The following FGGY variants were observed in gnomAD, a reference collection of about 807,000 sequenced individuals.
FGGY encodes the protein FGGY carbohydrate kinase domain containing, also known as FGGY carbohydrate kinase domain-containing protein.
A neutral mutation model predicts 71.3 loss-of-function variants in FGGY; 72 were observed. The observed-to-expected ratio is 1.01, with a 90% CI of 0.84 to 1.23. The LOEUF (loss-of-function observed/expected upper bound fraction) is 1.23. Ranked by LOEUF, FGGY falls within the 50% of genes most tolerant of loss-of-function variation. The pLI is 0.00. For synonymous variants in FGGY, 251 were observed against 250.3 expected (o/e 1.00, Z -0.02); for missense variants, 668 against 682.3 (o/e 0.98, Z 0.23).
intron 14 of FGGY, among the ~76,000 whole-genome samples, chr1:59,742,282 G>T (rs1314682266): frequency 6.6e-6 from 1 of 152,144 alleles, no homozygotes; most frequent in Non-Finnish European, 1.5e-5. Flanking sequence ...AAATCATGCT[G>T]CCTCAGTCAT....
intron 9 of FGGY, among the ~76,000 whole-genome samples, chr1:59,614,896 A>G (rs888097687): frequency 2.6e-5 from 4 of 152,232 alleles, no homozygotes; most frequent in African/African-American, 9.6e-5. Flanking sequence ...ACTCCCATTC[A>G]CAATTGCTTC....
intron 11 of FGGY, among the ~76,000 whole-genome samples, chr1:59,642,320 G>T (rs1259812094): frequency 6.6e-6 from 1 of 152,206 alleles, no homozygotes; most frequent in Admixed American, 6.5e-5. Flanking sequence ...TAAGTATACA[G>T]TGAGTGGGGA....
intron 14 of FGGY, chr1:59,756,202 A>G (rs2098289559): frequency 6.6e-6 from 1 of 152,130 alleles, no homozygotes. Flanking sequence ...TTCTTTGTCA[A>G]TAATTTTTCT....
At chr1:59,725,636 TG>T (rs149456838) in intron 14 of FGGY, among the ~76,000 whole-genome samples, 6,739 of 151,526 alleles carry the variant, frequency 0.044, 214 homozygotes, top group Non-Finnish European at 0.069. Context: ...TTTTGTTTTT[TG>T]TTTTTTTTGC....
At chr1:59,553,094 G>A (rs1206614784) in intron 7 of FGGY, among the ~76,000 whole-genome samples, 2 of 152,182 alleles carry the variant, frequency 1.3e-5, no homozygotes, top group East Asian at 3.9e-4. Context: ...CCAGGCAGAG[G>A]GAAGAGCAAA....
chr1:59,590,323 G>A (rs1279867556), intron 8 of FGGY, among the ~76,000 whole-genome samples: 4 of 152,140 alleles, frequency 2.6e-5, no homozygotes, highest in African/African-American at 7.2e-5. Flanking sequence ...AAGAGTCCAG[G>A]ACCAGATGGA....
intron 14 of FGGY, among the ~76,000 whole-genome samples, chr1:59,718,502 C>G (rs1027033871): frequency 6.6e-6 from 1 of 152,160 alleles, no homozygotes; most frequent in South Asian, 2.1e-4. Flanking sequence ...GAGGGTGGCT[C>G]TCTACAAATG....
In FGGY at chr1:59,387,039, AC is replaced by A. The variant is rs548660940; in HGVS notation, c.554+8203del. Among the ~76,000 whole-genome samples the A allele has an allele frequency of 1.5e-3, 235 of 152,102 alleles. 3 individuals carry two copies. The highest frequency in any genetic ancestry group is 4.7e-3 in the African/African-American group (195 of 41,516). ...CTGAAGTCTCTTTAAAATAATTATT[AC>A]GTTTCTGATGTGTGTGGTTCTCTGT... On this transcript the variant is annotated intron_variant, in intron 5 of 15. Transcript: ENST00000303721.
chr1:59,325,019 C>A (rs11577419), intron 2 of FGGY, among the ~76,000 whole-genome samples: 1 of 152,000 alleles, frequency 6.6e-6, no homozygotes, highest in Non-Finnish European at 1.5e-5. Flanking sequence ...GTCTGGAATA[C>A]TCTTCTCTTA....
intron 13 of FGGY, among the ~76,000 whole-genome samples, chr1:59,672,911 C>T (rs998914992): frequency 6.6e-6 from 1 of 152,104 alleles, no homozygotes; most frequent in Admixed American, 6.5e-5. Context: ...TACCATGAAC[C>T]CTCAACCTCT....
intron 4 of FGGY, among the ~76,000 whole-genome samples, chr1:59,363,037 G>A (rs1031987600): frequency 6.6e-6 from 1 of 152,120 alleles, no homozygotes; most frequent in African/African-American, 2.4e-5. Context: ...AAGAGCTAAG[G>A]GTCTAGTAGA....
At chr1:59,550,521 A>AAC (rs1347851071) in intron 7 of FGGY, among the ~76,000 whole-genome samples, 5 of 152,188 alleles carry the variant, frequency 3.3e-5, no homozygotes. Context: ...AGTCCTGCCC[A>AAC]ATATATATAA....
At chr1:59,609,916 G>A (rs1258448441) in intron 9 of FGGY, among the ~76,000 whole-genome samples, 2 of 152,162 alleles carry the variant, frequency 1.3e-5, no homozygotes, top group Admixed American at 1.3e-4. Context: ...ACTTGGATGG[G>A]GAATCCCTGA....
intron 14 of FGGY, among the ~76,000 whole-genome samples, chr1:59,718,323 A>G (rs926730390): frequency 3.9e-5 from 6 of 152,186 alleles, no homozygotes; most frequent in Admixed American, 3.9e-4. Context: ...ATTATGATAG[A>G]TATAAGGCTT....
Position 59,346,407 on chromosome 1 carries a change from A to G in FGGY, c.465+9A>G. ...TTCTGTGGCTGAAAGAGGTGAGTGCATAGGGTCTAAGAGAAGATACCAACA... is the reference window on the plus strand; with the variant it reads ...TTCTGTGGCTGAAAGAGGTGAGTGCGTAGGGTCTAAGAGAAGATACCAACA... On this transcript the variant is annotated intron_variant, in intron 4 of 15. Transcript: ENST00000303721. 6.2e-7 allele frequency: 1 copy of G among 1,611,112 alleles called. No individual in the cohort carries two copies. The highest frequency in any genetic ancestry group is 2.2e-5 in the East Asian group (1 of 44,862).
chr1:59,735,312 C>T (rs553755035), intron 14 of FGGY, among the ~76,000 whole-genome samples: 1 of 152,286 alleles, frequency 6.6e-6, no homozygotes, highest in East Asian at 1.9e-4. Context: ...AACATCTTGT[C>T]TCCACAGAAC....
At chr1:59,642,828 G>T (rs554980358) in intron 11 of FGGY, among the ~76,000 whole-genome samples, 1 of 151,804 alleles carries the variant, frequency 6.6e-6, no homozygotes, top group African/African-American at 2.4e-5. Flanking sequence ...TCAGGAGATC[G>T]AGACCATCCT....
chr1:59,498,524 T>C (rs2094119854), intron 6 of FGGY, among the ~76,000 whole-genome samples: 1 of 152,136 alleles, frequency 6.6e-6, no homozygotes, highest in Non-Finnish European at 1.5e-5. Context: ...GTGACTCTAA[T>C]GCAGGGCTCT....
At chr1:59,690,543 T>C (rs1480033698) in intron 14 of FGGY, among the ~76,000 whole-genome samples, 1 of 152,204 alleles carries the variant, frequency 6.6e-6, no homozygotes, top group Non-Finnish European at 1.5e-5. Context: ...CCTACCCCCA[T>C]GTGCCCATCT....
Sources: gnomAD v4.1 joint callset for allele counts (sites outside exome capture counted in the v4.1 genomes callset) on GRCh38, gnomAD v4.1.1 for gene constraint, MANE v1.5 for transcripts, NCBI Gene and HGNC (gene_info 2026-07-23, HGNC 2026-07-21) for gene names.